The following HSD17B12 variants were observed in gnomAD, a reference collection of about 807,000 sequenced individuals.
The protein encoded by HSD17B12 is hydroxysteroid 17-beta dehydrogenase 12.
A neutral mutation model predicts 39.3 loss-of-function variants in HSD17B12; 32 were observed. The observed-to-expected ratio is 0.81, with a 90% confidence interval of 0.61 to 1.09. The LOEUF (loss-of-function observed/expected upper bound fraction) is 1.09, where lower values mean the gene tolerates loss of function less well. HSD17B12 is among the 50% of genes least tolerant of loss of function. The probability of loss-of-function intolerance (pLI) is 0.00; values close to 1 mark genes in which losing one functional copy is unlikely to be tolerated. For missense variants in HSD17B12, 342 were observed against 382.9 expected (o/e 0.89, Z 0.89); for synonymous variants, 150 against 146.7 (o/e 1.02, Z -0.16).
At chr11:43,615,746 A>G in the HSD17B12 span, among the ~76,000 whole-genome samples, 2 of 152,204 alleles carry the variant, frequency 1.3e-5, no homozygotes, top group Non-Finnish European at 2.9e-5. Flanking sequence ...GTCTGGTGCT[A>G]ATTACTCCAT....
At chr11:43,620,214 G>A in the HSD17B12 span, among the ~76,000 whole-genome samples, 4 of 152,040 alleles carry the variant, frequency 2.6e-5, no homozygotes, top group African/African-American at 7.2e-5. Flanking sequence ...CCTTTACTAC[G>A]TACCAACCAC....
chr11:43,848,040 C>T (rs557203177), intron 9 of HSD17B12, among the ~76,000 whole-genome samples: 15 of 152,200 alleles, frequency 9.9e-5, no homozygotes, highest in African/African-American at 3.4e-4. Context: ...TATTGAGAAA[C>T]GGCTACCGGG....
chr11:43,779,350 GA>G (rs748173262), intron 3 of HSD17B12, among the ~76,000 whole-genome samples: 1 of 152,198 alleles, frequency 6.6e-6, no homozygotes, highest in East Asian at 1.9e-4. Context: ...GGATTACTAA[GA>G]TTCTGAAATT....
the HSD17B12 span, chr11:43,569,352 T>C: frequency 6.6e-6 from 1 of 152,226 alleles, no homozygotes; most frequent in South Asian, 2.1e-4. Flanking sequence ...CTTTCTGCAG[T>C]GTCTCCTGAG....
the HSD17B12 span, among the ~76,000 whole-genome samples, chr11:43,616,797 TAAAAAAAAAAAAA>T: frequency 5.0e-5 from 3 of 59,708 alleles, no homozygotes; most frequent in East Asian, 4.5e-4. Context: ...GTGCCCAAAC[TAAAAAAAAAAAAA>T]AAAAAAAAAA....
intron 9 of HSD17B12, among the ~76,000 whole-genome samples, chr11:43,850,851 C>T (rs1194740425): frequency 9.2e-5 from 14 of 152,132 alleles, no homozygotes; most frequent in Admixed American, 6.5e-4. Context: ...CACCTGAGGT[C>T]GGGAGTTCGA....
intron 6 of HSD17B12, among the ~76,000 whole-genome samples, chr11:43,817,417 T>G (rs1951140597): frequency 1.3e-5 from 2 of 152,196 alleles, no homozygotes; most frequent in Admixed American, 6.5e-5. Context: ...ATGAAATCCT[T>G]GCCTAAGCCA....
At chr11:43,735,820 A>G (rs1411914383) in intron 1 of HSD17B12, among the ~76,000 whole-genome samples, 1 of 152,172 alleles carries the variant, frequency 6.6e-6, no homozygotes, top group East Asian at 1.9e-4. Flanking sequence ...GAAACTTACA[A>G]TCATGGTGGA....
intron 1 of HSD17B12, among the ~76,000 whole-genome samples, chr11:43,697,866 A>G (rs1348419547): frequency 6.6e-6 from 1 of 152,208 alleles, no homozygotes; most frequent in Non-Finnish European, 1.5e-5. Flanking sequence ...CCTTGAGTCT[A>G]CAGTAAGAGT....
At chr11:43,576,783 G>T in the HSD17B12 span, among the ~76,000 whole-genome samples, 129 of 152,218 alleles carry the variant, frequency 8.5e-4, 2 homozygotes, top group South Asian at 0.026. Context: ...TGTGTATAAT[G>T]AATTTGGGGC....
At chr11:43,684,451 A>T (rs1193622443) in intron 1 of HSD17B12, among the ~76,000 whole-genome samples, 1 of 152,368 alleles carries the variant, frequency 6.6e-6, no homozygotes, top group Non-Finnish European at 1.5e-5. Context: ...TACATTTTGC[A>T]AGTATTTGAG....
At position 43,792,262 on chromosome 11, in the gene HSD17B12, G is replaced by T. The variant is rs148112153; in HGVS notation, c.284-6058G>T. Among the ~76,000 whole-genome samples the T allele has an allele frequency of 4.8e-3, 729 of 152,250 alleles. 19 individuals carry two copies. Among genetic ancestry groups the T allele is most frequent in the Admixed American group, 0.04 (613 of 15,286 alleles). ...TCTTTTCCCCTTAAAATTAGAGAAA[G>T]TACAAAAGACTTGTCTTGCATCTTT... On this transcript the variant is annotated intron_variant, in intron 3 of 10. Coordinates refer to ENST00000278353, the MANE Select transcript of HSD17B12 (RefSeq NM_016142.3).
At chr11:43,683,998 C>T (rs1355180372) in intron 1 of HSD17B12, among the ~76,000 whole-genome samples, 4 of 152,174 alleles carry the variant, frequency 2.6e-5, no homozygotes, top group Non-Finnish European at 5.9e-5. Context: ...TACAGGTATG[C>T]TTCACAATCA....
chr11:43,749,417 GA>G (rs1950445081), intron 1 of HSD17B12, among the ~76,000 whole-genome samples: 1 of 152,114 alleles, frequency 6.6e-6, no homozygotes, highest in Non-Finnish European at 1.5e-5. Flanking sequence ...TTTTAGGAAT[GA>G]GATAATGGTA....
intron 2 of HSD17B12, among the ~76,000 whole-genome samples, 156 bp downstream of exon 2, chr11:43,751,113 A>G (rs1218240531): frequency 2.0e-5 from 3 of 152,202 alleles, no homozygotes; most frequent in Non-Finnish European, 4.4e-5. Context: ...TGGAAATACC[A>G]TATTTGCCTA....
At chr11:43,765,342 G>C (rs1442881186) in intron 3 of HSD17B12, among the ~76,000 whole-genome samples, 2 of 151,930 alleles carry the variant, frequency 1.3e-5, no homozygotes, top group Non-Finnish European at 2.9e-5. Context: ...AAACTACTTT[G>C]CTTCACTGTC....
intron 2 of HSD17B12, 59 bp downstream of exon 2, chr11:43,751,016 A>T: frequency 9.0e-7 from 1 of 1,114,518 alleles, no homozygotes; most frequent in South Asian, 1.4e-5. Context: ...ATATGGGATG[A>T]TTTCTTATAG....
At chr11:43,612,512 G>A in the HSD17B12 span, among the ~76,000 whole-genome samples, 3 of 152,116 alleles carry the variant, frequency 2.0e-5, no homozygotes, top group Admixed American at 6.6e-5. Context: ...ATTTGACAAT[G>A]GTATAATGAG....
chr11:43,664,537 T>A, the HSD17B12 span, among the ~76,000 whole-genome samples: 1 of 152,170 alleles, frequency 6.6e-6, no homozygotes, highest in Admixed American at 6.5e-5. Context: ...TGTGTTAAGA[T>A]GTTATCTTTA....
Sources: gnomAD v4.1 joint callset for allele counts (sites outside exome capture counted in the v4.1 genomes callset) on GRCh38, gnomAD v4.1.1 for gene constraint, MANE v1.5 for transcripts, NCBI Gene and HGNC (gene_info 2026-07-23, HGNC 2026-07-21) for gene names.